NSD2: variants seen among roughly 807,000 people sequenced by gnomAD.
The protein encoded by NSD2 is nuclear receptor binding SET domain protein 2.
In NSD2, 12 loss-of-function variants were observed where a neutral mutation model predicts 139.0. The ratio of observed to expected loss-of-function variants is 0.09; its 90% CI spans 0.06 to 0.14. The LOEUF is 0.14. Among genes scored for constraint, NSD2 ranks in the 10% least tolerant of loss-of-function variants. NSD2 has a pLI of 1.00. For missense variants in NSD2, 1,155 were observed against 1,745.0 expected (o/e 0.66, Z 6.02); for synonymous variants, 669 against 648.7 (o/e 1.03, Z -0.48).
intron 3 of NSD2, among the ~76,000 whole-genome samples, chr4:1,907,211 G>A (rs992852972): frequency 5.9e-5 from 9 of 151,992 alleles, no homozygotes; most frequent in Non-Finnish European, 7.4e-5. Flanking sequence ...AGTGACCACC[G>A]GATGCTCGTA....
intron 3 of NSD2, among the ~76,000 whole-genome samples, chr4:1,910,062 A>G (rs1718459903): frequency 2.0e-5 from 3 of 152,338 alleles, no homozygotes; most frequent in South Asian, 4.1e-4. Flanking sequence ...AAAAGTGAAC[A>G]TAACTCATAA....
intron 1 of NSD2, among the ~76,000 whole-genome samples, chr4:1,872,336 C>T (rs1397579709): frequency 6.6e-6 from 1 of 152,140 alleles, no homozygotes; most frequent in Non-Finnish European, 1.5e-5. Context: ...GACCTGGCGA[C>T]TTAATGGCTG....
chr4:1,882,771 C>T (rs1410988029), intron 1 of NSD2, among the ~76,000 whole-genome samples: 1 of 152,190 alleles, frequency 6.6e-6, no homozygotes, highest in Non-Finnish European at 1.5e-5. Context: ...AAAGTCTGGT[C>T]CCCAGACTGG....
At chr4:1,899,947 G>A (rs907683921) in intron 1 of NSD2, among the ~76,000 whole-genome samples, 8 of 152,220 alleles carry the variant, frequency 5.3e-5, no homozygotes, top group African/African-American at 1.9e-4. Flanking sequence ...TTAGTGGACT[G>A]AGATAAGAAT....
chr4:1,897,576 T>TA (rs1460109334), intron 1 of NSD2, among the ~76,000 whole-genome samples: 1 of 152,162 alleles, frequency 6.6e-6, no homozygotes, highest in Non-Finnish European at 1.5e-5. Flanking sequence ...AGCCAGGACT[T>TA]AGAGACTAGC....
At chr4:1,932,120 C>T (rs150358384) in intron 6 of NSD2, among the ~76,000 whole-genome samples, 6 of 151,048 alleles carry the variant, frequency 4.0e-5, no homozygotes, top group East Asian at 1.9e-4. Context: ...CATTGTCACG[C>T]GCCCATGACC....
chr4:1,929,945 G>T (rs190131285), intron 5 of NSD2, among the ~76,000 whole-genome samples: 1 of 152,126 alleles, frequency 6.6e-6, no homozygotes, highest in South Asian at 2.1e-4. Flanking sequence ...ATCAGACTTC[G>T]GTGTGTCTGC....
At chr4:1,940,990 G>A (rs1723037170) in intron 9 of NSD2, 9 of 1,058,406 alleles carry the variant, frequency 8.5e-6, no homozygotes, top group Non-Finnish European at 1.0e-5. Context: ...TGGGACTGGG[G>A]CTGCTTTACA....
chr4:1,955,527 T>G lies in NSD2; in HGVS notation c.2519-166T>G. ...ATCATTTCGCAAACATACAGGAAAT[T>G]ATTTGTGGTGAAAATGACATTTGCT... On this transcript the variant is annotated intron_variant, in intron 13 of 21. Transcript: ENST00000508803. This position sits in a 1 kb window ranked among gnomAD's most constrained non-coding sequence, Gnocchi z 4.7. The G allele has an allele frequency of 8.1e-7, 1 of 1,229,792 alleles. No homozygotes were observed. Among genetic ancestry groups the G allele is most frequent in the Non-Finnish European group, 1.1e-6 (1 of 912,396 alleles). 76.2% of individuals were successfully genotyped at this position (1,229,792 alleles called of 1,614,324 possible). A position where few individuals can be genotyped will look rare whatever the true frequency, so the allele number is the denominator to read the frequency against.
At chr4:1,950,256 G>C (rs1724068838) in intron 9 of NSD2, among the ~76,000 whole-genome samples, 1 of 152,206 alleles carries the variant, frequency 6.6e-6, no homozygotes, top group African/African-American at 2.4e-5. Context: ...ATTCAGCCTG[G>C]TCTTCAGTGA....
intron 1 of NSD2, among the ~76,000 whole-genome samples, chr4:1,893,462 C>T (rs773740488): frequency 5.0e-4 from 76 of 152,050 alleles, no homozygotes; most frequent in Non-Finnish European, 6.3e-4. Context: ...GACAGAGACT[C>T]CGTTTCAATA....
chr4:1,898,957 T>G (rs1716799276), intron 1 of NSD2, among the ~76,000 whole-genome samples: 1 of 152,220 alleles, frequency 6.6e-6, no homozygotes, highest in Admixed American at 6.5e-5. Flanking sequence ...CTCTCTGCTT[T>G]TGGTTGCTCT....
chr4:1,946,886 G>A (rs1383975929), intron 9 of NSD2: 9 of 1,058,656 alleles, frequency 8.5e-6, no homozygotes, highest in African/African-American at 4.9e-5. Flanking sequence ...CCATGGTTAC[G>A]TGTTAGGTCC....
In NSD2 at chr4:1,978,630, T is replaced by C; in HGVS notation, c.3827-8T>C. 6.3e-7 allele frequency: 1 copy of C among 1,598,084 alleles called. No individual in the cohort carries two copies. The highest frequency in any genetic ancestry group is 8.6e-7 in the Non-Finnish European group (1 of 1,168,042). ...TTCTGTGTGCTCACATCTTGTGTTC[T>C]GTTGCAGGGAAGTGGGAATGTCCTT... On this transcript the variant is annotated splice_region_variant and splice_polypyrimidine_tract_variant and intron_variant, in intron 21 of 21. Coordinates refer to ENST00000508803, the MANE Select transcript of NSD2 (RefSeq NM_001042424.3).
chr4:1,936,777 T>A (rs1722455250), intron 7 of NSD2, among the ~76,000 whole-genome samples: 1 of 152,218 alleles, frequency 6.6e-6, no homozygotes, highest in African/African-American at 2.4e-5. Flanking sequence ...TCTTTTTATT[T>A]CAAAGAATGG....
intron 18 of NSD2, 96 bp downstream of exon 18, chr4:1,961,247 G>A: frequency 1.1e-6 from 1 of 951,294 alleles, no homozygotes; most frequent in Non-Finnish European, 1.6e-6. Context: ...GGCAGCGCCA[G>A]CATTTGTCTC....
intron 5 of NSD2, among the ~76,000 whole-genome samples, chr4:1,928,645 C>G (rs1217313584): frequency 6.6e-6 from 1 of 151,920 alleles, no homozygotes; most frequent in Non-Finnish European, 1.5e-5. Flanking sequence ...GGCTGCAGGG[C>G]GCTTGTGACT....
At position 1,978,976 on chromosome 4, in the gene NSD2, G is replaced by A; in HGVS notation, c.*67G>A. ...CGGCCGGCCCTGCCTGCGGGAGAGG[G>A]CGAGCATGAACTGGCCCGGAGGACC... On this transcript the variant is annotated 3_prime_UTR_variant, in exon 22 of 22. Coordinates refer to ENST00000508803, the MANE Select transcript of NSD2 (RefSeq NM_001042424.3). 1 of 1,439,118 alleles carries A rather than the reference G, an allele frequency of 6.9e-7. No individual in the cohort carries two copies. Among genetic ancestry groups the A allele is most frequent in the Non-Finnish European group, 9.1e-7 (1 of 1,095,198 alleles). 89.1% of individuals were successfully genotyped at this position (1,439,118 alleles called of 1,614,324 possible).
At chr4:1,975,568 C>T in intron 20 of NSD2, 168 bp downstream of exon 20, 1 of 615,142 alleles carries the variant, frequency 1.6e-6, no homozygotes, top group East Asian at 2.8e-5. Context: ...CAACAAAGGC[C>T]AGTGGTTAAG....
Sources: gnomAD v4.1 joint callset for allele counts (sites outside exome capture counted in the v4.1 genomes callset) on GRCh38, gnomAD v4.1.1 for gene constraint, Gnocchi (gnomAD v3.1) non-coding constraint, MANE v1.5 for transcripts, NCBI Gene and HGNC (gene_info 2026-07-23, HGNC 2026-07-21) for gene names.